C1orf141: variants seen among roughly 807,000 people sequenced by gnomAD.
C1orf141 encodes uncharacterized protein C1orf141.
In C1orf141, 19 loss-of-function variants were observed where a neutral mutation model predicts 23.2. The ratio of observed to expected loss-of-function variants is 0.82; its 90% confidence interval spans 0.57 to 1.20. The LOEUF is 1.20. Ranked by LOEUF, C1orf141 falls within the 50% of genes most tolerant of loss-of-function variation. The pLI is 0.00. For synonymous variants in C1orf141, 153 were observed against 154.6 expected, an observed-to-expected ratio of 0.99 and a Z score of 0.08; for missense variants, 469 against 455.1, an observed-to-expected ratio of 1.03 and a Z score of -0.28.
intron 5 of C1orf141, among the ~76,000 whole-genome samples, chr1:67,108,777 A>G (rs188752821): frequency 2.6e-5 from 4 of 152,238 alleles, no homozygotes; most frequent in African/African-American, 9.6e-5. Context: ...ATCAAAAAGT[A>G]GGCAAAGGAT....
chr1:67,105,553 G>A (rs1211881743), intron 5 of C1orf141, among the ~76,000 whole-genome samples: 2 of 151,928 alleles, frequency 1.3e-5, no homozygotes, highest in African/African-American at 4.8e-5. Context: ...CAACGTAGCT[G>A]AGTAATCCTC....
chr1:67,126,359 G>C (rs911514815), intron 3 of C1orf141, among the ~76,000 whole-genome samples: 1 of 152,114 alleles, frequency 6.6e-6, no homozygotes, highest in Non-Finnish European at 1.5e-5. Flanking sequence ...ATCAAAAGAG[G>C]ACTTTGTTAA....
chr1:67,125,639 C>A, intron 4 of C1orf141, 113 bp downstream of exon 4: 1 of 1,009,910 alleles, frequency 9.9e-7, no homozygotes. Context: ...GTTGAGGCTG[C>A]AGTGAGCCAT....
chr1:67,120,402 G>A (rs1412065672), intron 4 of C1orf141, among the ~76,000 whole-genome samples: 1 of 152,100 alleles, frequency 6.6e-6, no homozygotes, highest in Non-Finnish European at 1.5e-5. Flanking sequence ...GGATCTATTG[G>A]GATGGGATGA....
chr1:67,136,058 G>A (rs1261604608), upstream of C1orf141, among the ~76,000 whole-genome samples: 1 of 152,030 alleles, frequency 6.6e-6, no homozygotes, highest in East Asian at 1.9e-4. Flanking sequence ...AAGGTAGTTT[G>A]ATTCTTTTCT....
rs1450778778 is a variant in C1orf141, at chr1:67,093,094, T to G, written c.1114A>C (p.Lys372Gln). The change falls in exon 8 of 8, where the codon AAG (lysine) becomes CAG (glutamine). Residue 372 changes from lysine (K) to glutamine (Q), a missense_variant. By Grantham distance (53) the Lys-to-Gln change is moderately conservative. Around this residue, in one of 3 missense-constraint regions of C1orf141, gnomAD observed 370 missense variants for 348.1 expected, o/e 1.06. Transcript: ENST00000684719. Reference protein sequence around the residue: ...SSALPVKCYSKPFKYIYELNN... With the variant: ...SSALPVKCYSQPFKYIYELNN... ...AGTTCATATATATATTTAAAAGGCT[T>G]TGAGTAACATTTGACAGGTAAGGCA... 1 of 1,612,924 alleles carries G rather than the reference T, an allele frequency of 6.2e-7. No homozygotes were observed. The highest frequency in any genetic ancestry group is 2.2e-5 in the East Asian group (1 of 44,868).
intron 4 of C1orf141, among the ~76,000 whole-genome samples, chr1:67,120,441 A>G (rs1646275216): frequency 6.6e-6 from 1 of 152,070 alleles, no homozygotes; most frequent in Non-Finnish European, 1.5e-5. Flanking sequence ...AAAGATGTAA[A>G]TTTGGGGGGG....
At chr1:67,114,206 C>T (rs1328836858) in intron 5 of C1orf141, among the ~76,000 whole-genome samples, 1 of 151,874 alleles carries the variant, frequency 6.6e-6, no homozygotes, top group Non-Finnish European at 1.5e-5. Flanking sequence ...AAGATTGCCA[C>T]CTGGATGTTT....
intron 5 of C1orf141, among the ~76,000 whole-genome samples, chr1:67,097,675 C>T (rs1329607981): frequency 2.6e-5 from 4 of 152,178 alleles, no homozygotes; most frequent in Non-Finnish European, 4.4e-5. Context: ...TTAGAAAGAT[C>T]ACTCTGCTTG....
At chr1:67,100,434 T>C (rs1206875386) in intron 5 of C1orf141, among the ~76,000 whole-genome samples, 1 of 152,224 alleles carries the variant, frequency 6.6e-6, no homozygotes, top group Non-Finnish European at 1.5e-5. Flanking sequence ...TTTAAAAATA[T>C]TTTTAAATTC....
chr1:67,098,096 A>G (rs1645723082), intron 5 of C1orf141, among the ~76,000 whole-genome samples: 1 of 152,128 alleles, frequency 6.6e-6, no homozygotes, highest in Non-Finnish European at 1.5e-5. Flanking sequence ...TCCATTCACA[A>G]CTCTAAAATC....
At chr1:67,096,470 C>A (rs538396922) in intron 5 of C1orf141, 149 bp from the exon 6 acceptor site, 2 of 531,804 alleles carry the variant, frequency 3.8e-6, no homozygotes, top group Admixed American at 7.8e-5. Flanking sequence ...GTAAATATTT[C>A]TTGAATGAAC....
chr1:67,138,394 C>T (rs1371563394), upstream of C1orf141, among the ~76,000 whole-genome samples: 1 of 152,176 alleles, frequency 6.6e-6, no homozygotes, highest in Non-Finnish European at 1.5e-5. Context: ...CTTGACAATT[C>T]TTCTGAATTG....
At chr1:67,100,691 G>A (rs887766964) in intron 5 of C1orf141, among the ~76,000 whole-genome samples, 1 of 151,972 alleles carries the variant, frequency 6.6e-6, no homozygotes, top group Non-Finnish European at 1.5e-5. Context: ...GCTCAACTTT[G>A]AATCAGATCA....
chr1:67,136,490 G>A (rs189043628), upstream of C1orf141, among the ~76,000 whole-genome samples: 462 of 152,278 alleles, frequency 3.0e-3, 4 homozygotes, highest in African/African-American at 0.01. Context: ...GTACAGAGGT[G>A]AAAATTAGCT....
At chr1:67,115,885 T>C (rs1047466646) in intron 4 of C1orf141, among the ~76,000 whole-genome samples, 2 of 152,194 alleles carry the variant, frequency 1.3e-5, no homozygotes, top group African/African-American at 4.8e-5. Flanking sequence ...ATTATCCTCC[T>C]CTAAATTACT....
chr1:67,126,044 A>T, intron 3 of C1orf141, 135 bp from the exon 4 acceptor site: 2 of 983,898 alleles, frequency 2.0e-6, no homozygotes, highest in South Asian at 3.6e-5. Flanking sequence ...GCAATAATGG[A>T]AAAATAGTAC....
intron 4 of C1orf141, 69 bp downstream of exon 4, chr1:67,125,683 G>GT: frequency 1.4e-6 from 2 of 1,437,920 alleles, no homozygotes; most frequent in South Asian, 2.3e-5. Flanking sequence ...TAGGCAATGA[G>GT]TGAGTCCTTG....
Position 67,093,073 on chromosome 1 carries a change from C to A in C1orf141, c.1135G>T (p.Glu379Ter). 1.2e-6 allele frequency: 2 copies of A among 1,606,374 alleles called. No homozygotes were observed. Among genetic ancestry groups the A allele is most frequent in the South Asian group, 2.2e-5 (2 of 90,830 alleles). ...CYSKPFKYIY[E>*]LNNVTPLDNL... ...TCCAGTGGCGTTACATTATTTAGTT[C>A]ATATATATATTTAAAAGGCTTTGAG... Residue 379 changes from glutamate (E) to a stop codon, truncating the protein, a stop_gained, in exon 8 of 8, where the codon GAA becomes TAA. Transcript: ENST00000684719. LOFTEE classifies it low-confidence loss of function (END_TRUNC).
Sources: gnomAD v4.1 joint callset for allele counts (sites outside exome capture counted in the v4.1 genomes callset) on GRCh38, gnomAD v4.1.1 for gene constraint, gnomAD v4.1.1 regional missense constraint, MANE v1.5 for transcripts, NCBI Gene and HGNC (gene_info 2026-07-23, HGNC 2026-07-21) for gene names.